GNL3L: variants seen among roughly 807,000 people sequenced by gnomAD.
GNL3L encodes G protein nucleolar 3 like.
GNL3L carries 4 observed loss-of-function variants against 42.9 expected under a neutral mutation model. The ratio of observed to expected loss-of-function variants is 0.09; its 90% CI spans 0.05 to 0.21. The LOEUF is 0.21. GNL3L is among the 10% of genes least tolerant of loss of function. The pLI is 1.00. For missense variants in GNL3L, 412 were observed against 481.7 expected, an observed-to-expected ratio of 0.86 and a Z score of 1.36; for synonymous variants, 159 against 176.3, an observed-to-expected ratio of 0.90 and a Z score of 0.78.
At chrX:54,596,016 G>A (rs1372151565) in intron 16 of GNL3L, among the ~76,000 whole-genome samples, 2 of 112,063 alleles carry the variant, frequency 1.8e-5, no homozygotes, top group African/African-American at 6.5e-5. Context: ...CAGCATTGGT[G>A]CCTGGTGTCT....
chrX:54,584,485 G>T (rs931711677), intron 16 of GNL3L, among the ~76,000 whole-genome samples: 1 of 111,805 alleles, frequency 8.9e-6, no homozygotes, highest in Non-Finnish European at 1.9e-5. Flanking sequence ...ATTTGTGTTA[G>T]GAACATTCCA....
intron 14 of GNL3L, among the ~76,000 whole-genome samples, 179 bp from the exon 15 acceptor site, chrX:54,558,257 G>C (rs1465180601): frequency 1.8e-5 from 2 of 110,908 alleles, no homozygotes; most frequent in African/African-American, 6.6e-5. Context: ...ATAGGGAACT[G>C]AGGCTGAGAG....
intron 3 of GNL3L, 118 bp downstream of exon 3, chrX:54,539,219 G>A (rs1924539553): frequency 2.6e-6 from 1 of 387,143 alleles, no homozygotes; most frequent in Non-Finnish European, 4.3e-6. Context: ...TGGAGTCAGT[G>A]GATCTGGCTT....
chrX:54,543,676 C>T (rs1209423205), intron 7 of GNL3L, among the ~76,000 whole-genome samples: 2 of 111,316 alleles, frequency 1.8e-5, no homozygotes, highest in Non-Finnish European at 3.8e-5. Context: ...GGTTCAGCCT[C>T]CCACCTGTCC....
chrX:54,626,381 T>G (rs1174654492), downstream of GNL3L, among the ~76,000 whole-genome samples: 1 of 111,975 alleles, frequency 8.9e-6, no homozygotes, highest in Non-Finnish European at 1.9e-5. Context: ...TAAGGTTGAG[T>G]AGTATTCTAT....
intron 16 of GNL3L, among the ~76,000 whole-genome samples, chrX:54,609,360 C>G (rs145410246): frequency 0.019 from 2,184 of 112,330 alleles, 59 homozygotes; most frequent in African/African-American, 0.068. Context: ...TAATTAGGTC[C>G]CAGCTATTCA....
intron 16 of GNL3L, among the ~76,000 whole-genome samples, chrX:54,604,788 G>A (rs754042319): frequency 3.7e-4 from 42 of 112,224 alleles, no homozygotes; most frequent in African/African-American, 1.3e-3. Context: ...CTGCGAAAAC[G>A]CCTTAATCTT....
intron 16 of GNL3L, among the ~76,000 whole-genome samples, chrX:54,572,989 G>A (rs1201269420): frequency 1.8e-5 from 2 of 109,496 alleles, no homozygotes; most frequent in East Asian, 5.9e-4. Flanking sequence ...AGATGTGATG[G>A]CGGCCGGGAA....
chrX:54,551,039 TG>T lies in GNL3L; in HGVS notation c.854del (p.Gly285GlufsTer48). 1 of 1,085,661 alleles carries T rather than the reference TG, an allele frequency of 9.2e-7. No individual in the cohort carries two copies. The highest frequency in any genetic ancestry group is 1.3e-6 in the Non-Finnish European group (1 of 780,342). 89.5% of individuals were successfully genotyped at this position (1,085,661 alleles called of 1,213,427 possible). On this transcript the variant is annotated frameshift_variant, in exon 10 of 16. Coordinates refer to ENST00000360845, the MANE Select transcript of GNL3L (RefSeq NM_001184819.2). LOFTEE classifies it high-confidence loss of function. ...SRACSVGAVP[G>X]ITKFMQEVYL... is the part of the protein sequence containing the mutation. ...GCGCATGCAGCGTGGGAGCTGTTCC[TG>T]GAATTACCAAGTAAGCACCTGCCTG... is the stretch of plus-strand genomic sequence containing the variant.
At chrX:54,607,572 A>G (rs1287627501) in intron 16 of GNL3L, among the ~76,000 whole-genome samples, 1 of 110,869 alleles carries the variant, frequency 9.0e-6, no homozygotes, top group Non-Finnish European at 1.9e-5. Flanking sequence ...GGTGCATGTC[A>G]CAAGGACATA....
intron 16 of GNL3L, among the ~76,000 whole-genome samples, chrX:54,592,190 G>C (rs1281236173): frequency 8.9e-6 from 1 of 112,070 alleles, no homozygotes; most frequent in Non-Finnish European, 1.9e-5. Context: ...GAATTTACCA[G>C]TTCTAATAGA....
intron 16 of GNL3L, among the ~76,000 whole-genome samples, chrX:54,600,928 T>C (rs906003029): frequency 1.8e-5 from 2 of 112,394 alleles, no homozygotes; most frequent in Non-Finnish European, 3.8e-5. Flanking sequence ...TTATTCATTG[T>C]AGCTAAAAAG....
downstream of GNL3L, among the ~76,000 whole-genome samples, chrX:54,570,641 T>G (rs1175164174): frequency 1.8e-5 from 2 of 111,006 alleles, no homozygotes; most frequent in African/African-American, 6.5e-5. Context: ...TTTTTCTGCC[T>G]TCTTTTGGAT....
chrX:54,639,880 A>G, the GNL3L span, among the ~76,000 whole-genome samples: 1 of 109,928 alleles, frequency 9.1e-6, no homozygotes, highest in Non-Finnish European at 1.9e-5. Flanking sequence ...GGCCAGGCCC[A>G]GGCTGAGACG....
chrX:54,630,698 CT>C, the GNL3L span, among the ~76,000 whole-genome samples: 130 of 2,574 alleles, frequency 0.051, 3 homozygotes, highest in Middle Eastern at 0.2. Context: ...TCCTTCCTTC[CT>C]TTCTTTCTTT....
At chrX:54,567,585 G>T (rs1316235240), downstream of GNL3L, among the ~76,000 whole-genome samples, 2 of 107,585 alleles carry the variant, frequency 1.9e-5, no homozygotes, top group Admixed American at 2.0e-4. Flanking sequence ...GGCAGAGGTT[G>T]CAGTGAGCCG....
the GNL3L span, among the ~76,000 whole-genome samples, chrX:54,629,806 A>G: frequency 2.7e-5 from 3 of 111,676 alleles, no homozygotes; most frequent in African/African-American, 6.5e-5. Context: ...CCTTTACTCT[A>G]TCTTTTGCAA....
chrX:54,532,467 T>C, intron 1 of GNL3L, 53 bp from the exon 2 acceptor site: 1 of 667,848 alleles, frequency 1.5e-6, no homozygotes, highest in Non-Finnish European at 2.5e-6. Flanking sequence ...AGGGGGCTTG[T>C]GGCATTGTGA....
At chrX:54,615,797 C>T (rs1383433256) in intron 16 of GNL3L, among the ~76,000 whole-genome samples, 3 of 109,006 alleles carry the variant, frequency 2.8e-5, no homozygotes, top group African/African-American at 6.7e-5. Flanking sequence ...CTCTGCCTCC[C>T]GGGTTCAAGC....
Sources: allele counts gnomAD v4.1 joint callset (sites outside exome capture counted in the v4.1 genomes callset), GRCh38; gene constraint gnomAD v4.1.1; transcripts MANE v1.5; gene names NCBI Gene and HGNC (gene_info 2026-07-23, HGNC 2026-07-21).